Variants in OCIAD2 observed in about 807,000 individuals in gnomAD.
OCIAD2 encodes OCIA domain containing 2.
Under a neutral mutation model 22.9 loss-of-function variants are expected in OCIAD2, and 29 were observed. The observed-to-expected ratio is 1.27, with a 90% confidence interval of 0.94 to 1.73. OCIAD2 has a LOEUF of 1.73. OCIAD2 is among the 40% of genes most tolerant of loss of function. The pLI, the probability that OCIAD2 is intolerant of heterozygous loss-of-function variation, is 0.00. For missense variants in OCIAD2, 189 were observed against 180.3 expected, an observed-to-expected ratio of 1.05 and a Z score of -0.28; for synonymous variants, 67 against 60.2, an observed-to-expected ratio of 1.11 and a Z score of -0.52.
intron 6 of OCIAD2, 135 bp from the exon 7 acceptor site, chr4:48,885,700 C>T (rs1467109646): frequency 1.7e-6 from 1 of 583,766 alleles, no homozygotes; most frequent in East Asian, 2.9e-5. Flanking sequence ...CTATGTTGCC[C>T]AGGCTGGTCT....
chr4:48,901,828 G>T (rs150211475), intron 2 of OCIAD2, among the ~76,000 whole-genome samples: 2 of 152,118 alleles, frequency 1.3e-5, no homozygotes, highest in East Asian at 3.9e-4. Flanking sequence ...CTGCAGCCTC[G>T]AACTCCTGGG....
chr4:48,887,915 G>A (rs956029192), intron 6 of OCIAD2, among the ~76,000 whole-genome samples: 2 of 151,994 alleles, frequency 1.3e-5, no homozygotes, highest in Non-Finnish European at 2.9e-5. Context: ...TTGAATCTAT[G>A]AATTACCTTG....
chr4:48,897,680 G>A (rs1281097818), intron 4 of OCIAD2, 124 bp downstream of exon 4: 1 of 767,178 alleles, frequency 1.3e-6, no homozygotes, highest in Middle Eastern at 2.4e-4. Context: ...CTGAAAATAG[G>A]CAGAAGTCTG....
At chr4:48,889,393 AG>A (rs1331149505) in intron 6 of OCIAD2, among the ~76,000 whole-genome samples, 5 of 152,176 alleles carry the variant, frequency 3.3e-5, no homozygotes, top group Admixed American at 3.3e-4. Context: ...GAATCTACAA[AG>A]AACTCAAACA....
At chr4:48,897,435 G>C (rs1781326914) in intron 4 of OCIAD2, among the ~76,000 whole-genome samples, 1 of 152,024 alleles carries the variant, frequency 6.6e-6, no homozygotes, top group Non-Finnish European at 1.5e-5. Context: ...ATGTTGAGCT[G>C]AGGCCTCACA....
chr4:48,899,743 C>T lies in OCIAD2; in HGVS notation c.163+86G>A, dbSNP rs1781375609. On this transcript the variant is annotated intron_variant, in intron 3 of 6. Coordinates refer to ENST00000508632, the MANE Select transcript of OCIAD2 (RefSeq NM_001014446.3). ...AGTTCATCAGATATTTATGCAAAGT[C>T]TCTGCTCAAACGTAAGTCATTACCA... 1.0e-5 allele frequency: 9 copies of T among 900,168 alleles called. 1 individual carries two copies. Among genetic ancestry groups the T allele is most frequent in the Non-Finnish European group, 1.4e-5 (8 of 576,448 alleles). The allele number at this position is 900,168 out of a possible 1,614,324, so 55.8% of individuals were successfully genotyped here. A position where few individuals can be genotyped will look rare whatever the true frequency, so the allele number is the denominator to read the frequency against.
At chr4:48,893,250 A>C in intron 5 of OCIAD2, 1 of 157,846 alleles carries the variant, frequency 6.3e-6, no homozygotes. Flanking sequence ...AATGCCCCTA[A>C]TCTTCCTTAT....
At chr4:48,887,027 G>A (rs2109663716) in intron 6 of OCIAD2, among the ~76,000 whole-genome samples, 1 of 152,260 alleles carries the variant, frequency 6.6e-6, no homozygotes, top group Non-Finnish European at 1.5e-5. Context: ...TTTAATGATA[G>A]CCATTCTAAC....
At chr4:48,901,980 TG>T (rs913191876) in intron 2 of OCIAD2, among the ~76,000 whole-genome samples, 4 of 152,180 alleles carry the variant, frequency 2.6e-5, no homozygotes, top group Admixed American at 6.5e-5. Context: ...TGTCTCAGGC[TG>T]GTCTTGAACC....
At chr4:48,887,363 T>G (rs1245850330) in intron 6 of OCIAD2, among the ~76,000 whole-genome samples, 1 of 152,254 alleles carries the variant, frequency 6.6e-6, no homozygotes, top group African/African-American at 2.4e-5. Context: ...TTATCAACTT[T>G]GGCTTTTGTT....
At chr4:48,899,251 G>A (rs1322218518) in intron 3 of OCIAD2, among the ~76,000 whole-genome samples, 3 of 152,048 alleles carry the variant, frequency 2.0e-5, no homozygotes, top group Admixed American at 1.3e-4. Flanking sequence ...TAATTGGAAG[G>A]GACCTTAATA....
chr4:48,901,784 C>A (rs983240502), intron 2 of OCIAD2, among the ~76,000 whole-genome samples: 1 of 151,972 alleles, frequency 6.6e-6, no homozygotes, highest in African/African-American at 2.4e-5. Flanking sequence ...GCTCTGTCAC[C>A]CAGGCTGGAG....
At chr4:48,891,620 TTGAAGAGGAAGA>T (rs1318790553) in intron 6 of OCIAD2, among the ~76,000 whole-genome samples, 4 of 152,174 alleles carry the variant, frequency 2.6e-5, no homozygotes, top group Non-Finnish European at 4.4e-5. Flanking sequence ...ACTCCTGAAA[TTGAAGAGGAAGA>T]GGAAGAGGAA....
chr4:48,906,382 T>TGGACGGC lies in OCIAD2; in HGVS notation c.-63+269_-63+275dup, dbSNP rs560856046. 8.8e-4 allele frequency among the ~76,000 whole-genome samples: 134 copies of TGGACGGC among 152,226 alleles called. 2 individuals carry two copies. In the Middle Eastern group the frequency reaches 0.02, roughly 23 times the overall value. On this transcript the variant is annotated intron_variant, in intron 1 of 6. Coordinates refer to ENST00000508632, the MANE Select transcript of OCIAD2 (RefSeq NM_001014446.3). Reference sequence around the variant, plus strand: ...GCTTGGAGGGGGGCGCCTGCAGGGCTGGACGGCGGACGGGGGACACTGCAC... The same window carrying TGGACGGC: ...GCTTGGAGGGGGGCGCCTGCAGGGCTGGACGGCGGACGGCGGACGGGGGACACTGCAC...
At chr4:48,891,079 C>G (rs972780624) in intron 6 of OCIAD2, among the ~76,000 whole-genome samples, 5 of 152,036 alleles carry the variant, frequency 3.3e-5, no homozygotes, top group African/African-American at 1.2e-4. Flanking sequence ...TGAAAATTTC[C>G]CCTCTCTACA....
At chr4:48,900,023 C>T in intron 2 of OCIAD2, 98 bp from the exon 3 acceptor site, 2 of 805,962 alleles carry the variant, frequency 2.5e-6, no homozygotes, top group Non-Finnish European at 4.1e-6. Flanking sequence ...TCACTTGTTA[C>T]ACAGTGTGTG....
At position 48,904,546 on chromosome 4, in the gene OCIAD2, C is replaced by T. The variant is rs764690777; in HGVS notation, c.4G>A (p.Ala2Thr). The change falls in exon 2 of 7, where the codon GCT (alanine) becomes ACT (threonine). Residue 2 changes from alanine (A) to threonine (T), a missense_variant. Coordinates refer to ENST00000508632, the MANE Select transcript of OCIAD2 (RefSeq NM_001014446.3). M[A>T]SASARGNQDK... ...TGGTTTCCACGAGCAGACGCTGAAG[C>T]CATGATGACTTTGTGCTTGCTCTCC... is the stretch of plus-strand genomic sequence containing the variant. 7 of 1,613,898 alleles carry T rather than the reference C, an allele frequency of 4.3e-6. No individual in the cohort carries two copies. The highest frequency in any genetic ancestry group is 2.2e-5 in the East Asian group (1 of 44,892).
At chr4:48,885,616 C>T in intron 6 of OCIAD2, 51 bp from the exon 7 acceptor site, 2 of 911,328 alleles carry the variant, frequency 2.2e-6, no homozygotes, top group Non-Finnish European at 3.6e-6. Flanking sequence ...CACTGGAAGC[C>T]CTAGTCTTTA....
chr4:48,895,851 G>GT (rs1781290805), intron 4 of OCIAD2, among the ~76,000 whole-genome samples: 2 of 152,190 alleles, frequency 1.3e-5, no homozygotes, highest in South Asian at 4.1e-4. Context: ...GGCCAACATG[G>GT]TGAAACCCTG....
Sources: gnomAD v4.1 joint callset for allele counts (sites outside exome capture counted in the v4.1 genomes callset) on GRCh38, gnomAD v4.1.1 for gene constraint, MANE v1.5 for transcripts, NCBI Gene and HGNC (gene_info 2026-07-23, HGNC 2026-07-21) for gene names.